The following FIG4 variants were observed in gnomAD, a reference collection of about 807,000 sequenced individuals.
FIG4 encodes the protein FIG4 phosphoinositide 5-phosphatase.
FIG4 carries 112 observed loss-of-function variants against 118.6 expected under a neutral mutation model. The ratio of observed to expected loss-of-function variants is 0.94; its 90% CI spans 0.81 to 1.11. FIG4 has a LOEUF of 1.11. FIG4 is among the 50% of genes least tolerant of loss of function. The pLI is 0.00. For synonymous variants in FIG4, 369 were observed against 381.2 expected (o/e 0.97, Z 0.37); for missense variants, 969 against 1,111.7 (o/e 0.87, Z 1.83).
At chr6:109,816,868 T>C (rs1412327080) in intron 22 of FIG4, among the ~76,000 whole-genome samples, 2 of 152,172 alleles carry the variant, frequency 1.3e-5, no homozygotes, top group African/African-American at 2.4e-5. Flanking sequence ...AGAACCTAAG[T>C]AGGGCGTCAT....
chr6:109,751,703 G>A (rs1468876419), intron 10 of FIG4, among the ~76,000 whole-genome samples: 1 of 151,946 alleles, frequency 6.6e-6, no homozygotes, highest in African/African-American at 2.4e-5. Flanking sequence ...TATTTGCATA[G>A]AGGTGTTTAT....
intron 22 of FIG4, among the ~76,000 whole-genome samples, chr6:109,808,602 CT>C (rs202071982): frequency 2.0e-5 from 3 of 150,742 alleles, no homozygotes; most frequent in Admixed American, 1.3e-4. Flanking sequence ...TAACTCATTG[CT>C]TTTTTTTTGT....
At chr6:109,787,628 G>A (rs1024648654) in intron 18 of FIG4, among the ~76,000 whole-genome samples, 6 of 152,262 alleles carry the variant, frequency 3.9e-5, no homozygotes, top group Admixed American at 1.3e-4. Flanking sequence ...CATTATTTAA[G>A]GACCTGCTGT....
intron 15 of FIG4, among the ~76,000 whole-genome samples, chr6:109,769,823 G>A (rs1777404430): frequency 6.6e-6 from 1 of 152,114 alleles, no homozygotes; most frequent in Non-Finnish European, 1.5e-5. Flanking sequence ...AGAGCCTAAG[G>A]GCACAGGATC....
At chr6:109,742,129 G>A (rs1418207120) in intron 8 of FIG4, among the ~76,000 whole-genome samples, 1 of 152,000 alleles carries the variant, frequency 6.6e-6, no homozygotes, top group Non-Finnish European at 1.5e-5. Flanking sequence ...CTAATGTTGT[G>A]GAGGGTGAGC....
At chr6:109,747,730 T>C (rs1460462289) in intron 10 of FIG4, among the ~76,000 whole-genome samples, 1 of 152,180 alleles carries the variant, frequency 6.6e-6, no homozygotes, top group Non-Finnish European at 1.5e-5. Context: ...GAATGATCAG[T>C]GATTTCATGT....
chr6:109,799,752 G>T (rs1391924055), intron 22 of FIG4, among the ~76,000 whole-genome samples: 1 of 152,218 alleles, frequency 6.6e-6, no homozygotes, highest in African/African-American at 2.4e-5. Flanking sequence ...AAATGAGCGT[G>T]CAGAGACATG....
At chr6:109,793,661 A>G (rs1016329880) in intron 21 of FIG4, among the ~76,000 whole-genome samples, 23 of 152,236 alleles carry the variant, frequency 1.5e-4, no homozygotes, top group Admixed American at 1.4e-3. Flanking sequence ...AAATTGTATA[A>G]TATAAAATGA....
intron 15 of FIG4, among the ~76,000 whole-genome samples, chr6:109,770,277 G>T (rs2128393379): frequency 6.6e-6 from 1 of 151,950 alleles, no homozygotes; most frequent in African/African-American, 2.4e-5. Context: ...GGAGCTTGTT[G>T]AATTTAAATC....
chr6:109,730,156 C>T (rs1775951823), intron 4 of FIG4, among the ~76,000 whole-genome samples: 1 of 152,038 alleles, frequency 6.6e-6, no homozygotes, highest in African/African-American at 2.4e-5. Flanking sequence ...TCAAGTGGTC[C>T]TCCCACCTCA....
intron 14 of FIG4, 41 bp from the exon 15 acceptor site, chr6:109,766,688 G>A (rs760341613): frequency 2.5e-6 from 4 of 1,578,414 alleles, no homozygotes; most frequent in Non-Finnish European, 3.5e-6. Context: ...CTTGTGCTTT[G>A]ATTTTGGTGA....
intron 16 of FIG4, among the ~76,000 whole-genome samples, chr6:109,777,786 T>C (rs1208525469): frequency 6.6e-6 from 1 of 152,220 alleles, no homozygotes; most frequent in African/African-American, 2.4e-5. Flanking sequence ...ACAAACAGTT[T>C]ACCTGAAGCA....
chr6:109,726,449 A>T (rs1452674894), intron 3 of FIG4, among the ~76,000 whole-genome samples: 1 of 151,878 alleles, frequency 6.6e-6, no homozygotes, highest in East Asian at 1.9e-4. Context: ...GTTCTGTTCC[A>T]TTGGTCTATA....
chr6:109,730,014 A>T (rs1006556057), intron 4 of FIG4, among the ~76,000 whole-genome samples: 9 of 152,048 alleles, frequency 5.9e-5, no homozygotes, highest in Non-Finnish European at 1.5e-5. Flanking sequence ...GAGTCTTGAT[A>T]TCTTGAAGAT....
intron 22 of FIG4, among the ~76,000 whole-genome samples, chr6:109,798,066 G>T (rs1299811977): frequency 6.6e-6 from 1 of 152,054 alleles, no homozygotes; most frequent in Admixed American, 6.6e-5. Flanking sequence ...AATAGGTATT[G>T]ATTGCCTAAC....
At chr6:109,696,976 C>T (rs1774741911) in intron 1 of FIG4, among the ~76,000 whole-genome samples, 1 of 152,184 alleles carries the variant, frequency 6.6e-6, no homozygotes, top group East Asian at 1.9e-4. Flanking sequence ...ACAGTGTACG[C>T]ATGTATTAAA....
At chr6:109,699,872 T>A (rs1261150522) in intron 1 of FIG4, among the ~76,000 whole-genome samples, 4 of 152,140 alleles carry the variant, frequency 2.6e-5, no homozygotes, top group African/African-American at 9.7e-5. Context: ...TCCCATCAAC[T>A]AGTTGGCTTA....
chr6:109,752,173 AT>A (rs1469011682), intron 10 of FIG4, among the ~76,000 whole-genome samples: 1 of 151,758 alleles, frequency 6.6e-6, no homozygotes, highest in Non-Finnish European at 1.5e-5. Flanking sequence ...TGAATTCATC[AT>A]TTTTTATGGC....
chr6:109,806,028 G>T (rs984574324), intron 22 of FIG4, among the ~76,000 whole-genome samples: 4 of 152,058 alleles, frequency 2.6e-5, no homozygotes, highest in Non-Finnish European at 4.4e-5. Context: ...CTTTTTGACA[G>T]CTCTACATAA....
Sources: gnomAD v4.1 joint callset for allele counts (sites outside exome capture counted in the v4.1 genomes callset) on GRCh38, gnomAD v4.1.1 for gene constraint, MANE v1.5 for transcripts, NCBI Gene and HGNC (gene_info 2026-07-23, HGNC 2026-07-21) for gene names.